Variants in GNG7 observed in about 807,000 individuals in gnomAD.
GNG7 encodes guanine nucleotide-binding protein G(I)/G(S)/G(O) subunit gamma-7.
Under a neutral mutation model 4.0 loss-of-function variants are expected in GNG7, and 1 was observed. The ratio of observed to expected loss-of-function variants is 0.25; its 90% CI spans 0.09 to 1.18. The LOEUF (loss-of-function observed/expected upper bound fraction) is 1.18. GNG7 is among the 50% of genes most tolerant of loss of function. The probability of loss-of-function intolerance (pLI) is 0.50; values close to 1 mark genes in which losing one functional copy is unlikely to be tolerated. For synonymous variants in GNG7, 34 were observed against 36.9 expected (o/e 0.92, Z 0.29); for missense variants, 86 against 91.9 (o/e 0.94, Z 0.26).
intron 3 of GNG7, among the ~76,000 whole-genome samples, chr19:2,526,715 A>G (rs930661573): frequency 6.7e-6 from 1 of 149,666 alleles, no homozygotes; most frequent in Non-Finnish European, 1.5e-5. Flanking sequence ...TTTGATTTCT[A>G]TTTTGACATT....
At chr19:2,537,736 T>A (rs979222734) in intron 3 of GNG7, among the ~76,000 whole-genome samples, 1 of 150,980 alleles carries the variant, frequency 6.6e-6, no homozygotes, top group Non-Finnish European at 1.5e-5. Flanking sequence ...GGTGTTAGGC[T>A]GGGACCCGGT....
intron 2 of GNG7, among the ~76,000 whole-genome samples, chr19:2,596,764 A>G (rs1419564385): frequency 3.3e-5 from 5 of 151,772 alleles, no homozygotes; most frequent in Admixed American, 6.6e-5. Flanking sequence ...CACTGTTAAC[A>G]GTGGTTAATT....
rs541747170 is a variant in GNG7 at position 2,609,005 on chromosome 19, G to C, written c.-78+37219C>G. Among the ~76,000 whole-genome samples the C allele has an allele frequency of 7.5e-6, 1 of 133,500 alleles. No homozygotes were observed. The highest frequency in any genetic ancestry group is 1.7e-5 in the Non-Finnish European group (1 of 60,518). The allele number at this position is 133,500 out of a possible 152,430, so 87.6% of individuals were successfully genotyped here. ...CAAACATCATGCCTACCTAGTTCTT[G>C]TACATTCTCTCTCTCTCTCTCTCTC... On this transcript the variant is annotated intron_variant, in intron 2 of 4. Transcript: ENST00000382159. This position sits in a 1 kb window ranked among gnomAD's most constrained non-coding sequence, Gnocchi z 4.4.
In GNG7 at chr19:2,521,738, C is replaced by A. The variant is rs562919427; in HGVS notation, c.-37-1013G>T. Among the ~76,000 whole-genome samples the A allele has an allele frequency of 2.6e-3, 401 of 151,484 alleles. 1 individual carries two copies. The highest frequency in any genetic ancestry group is 9.0e-3 in the African/African-American group (371 of 41,264). ...AAGCGATTCTCCTGCCTCAGCCTCC[C>A]GAGTAGCTGGGATTACAGGCACGTG... is the stretch of plus-strand genomic sequence containing the variant. On this transcript the variant is annotated intron_variant, in intron 3 of 4. Transcript: ENST00000382159.
At chr19:2,571,531 G>A (rs1258908475) in intron 2 of GNG7, among the ~76,000 whole-genome samples, 2 of 151,200 alleles carry the variant, frequency 1.3e-5, no homozygotes, top group Non-Finnish European at 2.9e-5. Context: ...GTGCCTGCAG[G>A]CTACGTTAAG....
intron 1 of GNG7, among the ~76,000 whole-genome samples, chr19:2,676,311 C>T (rs1983591997): frequency 6.6e-6 from 1 of 152,158 alleles, no homozygotes; most frequent in African/African-American, 2.4e-5. Flanking sequence ...AACTTCACCC[C>T]ACAGAGACCC....
At chr19:2,577,275 G>A (rs1054638751) in intron 2 of GNG7, among the ~76,000 whole-genome samples, 2 of 152,230 alleles carry the variant, frequency 1.3e-5, no homozygotes, top group Non-Finnish European at 2.9e-5. Flanking sequence ...TCTGGGTGTT[G>A]GTTGGGGCTG....
rs150012223 is a variant in GNG7 at position 2,676,700 on chromosome 19, G to C, written c.-135+25946C>G. 8.2e-3 allele frequency among the ~76,000 whole-genome samples: 1,253 copies of C among 152,302 alleles called. 8 individuals are homozygous for C. The highest frequency in any genetic ancestry group is 0.033 in the South Asian group (159 of 4,826). ...CATAGTCCTGGGATTACAGGTGTGA[G>C]GCATCGCGCCCAGCCTCTTTGGTGG... On this transcript the variant is annotated intron_variant, in intron 1 of 4. Transcript: ENST00000382159.
chr19:2,550,282 A>G (rs1444791038), intron 3 of GNG7, among the ~76,000 whole-genome samples: 2 of 152,122 alleles, frequency 1.3e-5, no homozygotes, highest in South Asian at 2.1e-4. Context: ...CAGTGGCGCA[A>G]TCTCGGCTCA....
In GNG7 at chr19:2,571,588, C is replaced by CTTTTTT. The variant is rs779497111; in HGVS notation, c.-77-16406_-77-16401dup. Among the ~76,000 whole-genome samples, 121 of 68,006 alleles carry CTTTTTT rather than the reference C, an allele frequency of 1.8e-3. 1 individual carries two copies. Among genetic ancestry groups the CTTTTTT allele is most frequent in the Non-Finnish European group, 2.1e-3 (82 of 38,744 alleles). The allele number at this position is 68,006 out of a possible 152,430, so 44.6% of individuals were successfully genotyped here. On this transcript the variant is annotated intron_variant, in intron 2 of 4. Transcript: ENST00000382159. ...GGTCACTTTTCTTTTCATTTCTTTC[C>CTTTTTT]TTTTTTTTTTTTTTTTTTTTTTTTT...
intron 2 of GNG7, among the ~76,000 whole-genome samples, chr19:2,575,907 G>T (rs1025132267): frequency 1.4e-5 from 2 of 147,454 alleles, no homozygotes; most frequent in South Asian, 4.3e-4. Flanking sequence ...GCAGGCACAC[G>T]CAGGCATACA....
intron 3 of GNG7, among the ~76,000 whole-genome samples, chr19:2,544,366 G>T (rs1979057354): frequency 6.6e-6 from 1 of 152,250 alleles, no homozygotes; most frequent in African/African-American, 2.4e-5. Flanking sequence ...GGGCACGAGG[G>T]CCTCAGCCAT....
chr19:2,558,720 T>C (rs1318473075), intron 2 of GNG7, among the ~76,000 whole-genome samples: 1 of 151,996 alleles, frequency 6.6e-6, no homozygotes, highest in East Asian at 1.9e-4. Flanking sequence ...TCTTCTTTCT[T>C]TCTTTCTCTT....
intron 3 of GNG7, among the ~76,000 whole-genome samples, chr19:2,542,180 T>C (rs576779579): frequency 2.1e-4 from 30 of 144,744 alleles, no homozygotes; most frequent in East Asian, 1.4e-3. Flanking sequence ...AATGGCGTGA[T>C]CTCGGCTCAC....
At chr19:2,553,689 A>G (rs1396945402) in intron 3 of GNG7, among the ~76,000 whole-genome samples, 2 of 129,034 alleles carry the variant, frequency 1.5e-5, no homozygotes, top group South Asian at 4.8e-4. Context: ...GTTATATTAC[A>G]CACATGTGCA....
At chr19:2,549,412 T>G (rs762571351) in intron 3 of GNG7, among the ~76,000 whole-genome samples, 5 of 151,590 alleles carry the variant, frequency 3.3e-5, no homozygotes, top group Admixed American at 6.6e-5. Context: ...TGCCTCAGCC[T>G]CCTGAGTAGC....
At position 2,686,721 on chromosome 19, in the gene GNG7, G is replaced by A. The variant is rs377380558; in HGVS notation, c.-135+15925C>T. Among the ~76,000 whole-genome samples the A allele has an allele frequency of 2.7e-4, 41 of 151,906 alleles. 1 individual carries two copies. The South Asian group carries it at 7.9e-3, about 29-fold the overall frequency. ...AGGAGCGGAGCCTTTGTAGGGTGGG[G>A]TCAAAAGAGACTTTACTTACTTTTT... is the stretch of plus-strand genomic sequence containing the variant. On this transcript the variant is annotated intron_variant, in intron 1 of 4. Transcript: ENST00000382159.
chr19:2,602,834 C>CTGCGGCTCTGCAAGGAAAGA (rs1386270288), intron 2 of GNG7, among the ~76,000 whole-genome samples: 4 of 152,130 alleles, frequency 2.6e-5, no homozygotes, highest in Non-Finnish European at 5.9e-5. Context: ...AGGGGGCTCA[C>CTGCGGCTCTGCAAGGAAAGA]TGCGGCTCTG....
rs1421883737 is a variant in GNG7 at position 2,551,589 on chromosome 19, G to GTATTTATAAATATAGAAA, written c.-38+3559_-38+3560insTTTCTATATTTATAAATA. On this transcript the variant is annotated intron_variant, in intron 3 of 4. Coordinates refer to ENST00000382159, the MANE Select transcript of GNG7 (RefSeq NM_052847.3). ...TCTATTATCTATAATATATAAATATGCATTTATAAATATATAAACAAATAT... is the reference window on the plus strand; with the variant it reads ...TCTATTATCTATAATATATAAATATGTATTTATAAATATAGAAACATTTATAAATATATAAACAAATAT... 2.7e-5 allele frequency among the ~76,000 whole-genome samples: 4 copies of GTATTTATAAATATAGAAA among 145,750 alleles called. 1 individual carries two copies. The highest frequency in any genetic ancestry group is 2.0e-4 in the East Asian group (1 of 5,046).
Sources: gnomAD v4.1 joint callset for allele counts (sites outside exome capture counted in the v4.1 genomes callset) on GRCh38, gnomAD v4.1.1 for gene constraint, Gnocchi (gnomAD v3.1) non-coding constraint, MANE v1.5 for transcripts, NCBI Gene and HGNC (gene_info 2026-07-23, HGNC 2026-07-21) for gene names.